Variants in ABCB10 observed in about 807,000 individuals in gnomAD.
ABCB10 encodes the protein ATP binding cassette subfamily B member 10.
In ABCB10, 54 loss-of-function variants were observed where a neutral mutation model predicts 65.4. That is an observed-to-expected ratio of 0.83 (90% confidence interval 0.66 to 1.04). The LOEUF is 1.04. ABCB10 is among the 50% of genes least tolerant of loss of function. ABCB10 has a pLI of 0.00. For missense variants in ABCB10, 846 were observed against 976.6 expected (o/e 0.87, Z 1.78); for synonymous variants, 418 against 406.5 (o/e 1.03, Z -0.34).
At position 229,558,426 on chromosome 1, in the gene ABCB10, C is replaced by A. The variant is rs1373246057; in HGVS notation, c.227G>T (p.Gly76Val). Reference sequence around the variant, plus strand: ...CAGGACGCCCCGCGAGGCGCCCGGACCCCCGCCCCGGCAGCCGCTCCTCCA... The same window carrying A: ...CAGGACGCCCCGCGAGGCGCCCGGAACCCCGCCCCGGCAGCCGCTCCTCCA... The part of the protein sequence containing the change: ...RRWRSGCRGG[G>V]PGASRGVLGL... Residue 76 changes from glycine to valine, a missense_variant, in exon 1 of 13, where the codon GGT becomes GTT. Gly to Val is a moderately radical substitution (Grantham distance 109). This residue lies in a region of ABCB10 where 214 missense variants were observed against 173.5 expected (regional missense o/e 1.23). Transcript: ENST00000344517. 4 of 1,206,234 alleles carry A rather than the reference C, an allele frequency of 3.3e-6. No individual in the cohort carries two copies. The highest frequency in any genetic ancestry group is 4.1e-6 in the Non-Finnish European group (4 of 974,564). 74.7% of individuals were successfully genotyped at this position (1,206,234 alleles called of 1,614,324 possible). A position where few individuals can be genotyped will look rare whatever the true frequency, so the allele number is the denominator to read the frequency against.
intron 8 of ABCB10, 97 bp downstream of exon 8, chr1:229,530,102 A>G: frequency 8.3e-7 from 1 of 1,203,734 alleles, no homozygotes; most frequent in South Asian, 1.3e-5. Flanking sequence ...ACTCTACAAA[A>G]TAAGGTATTT....
At chr1:229,526,316 T>C (rs2102685606) in intron 9 of ABCB10, among the ~76,000 whole-genome samples, 200 bp from the exon 10 acceptor site, 1 of 152,324 alleles carries the variant, frequency 6.6e-6, no homozygotes, top group South Asian at 2.1e-4. Context: ...AGGAACTTTG[T>C]AAATGTCAGT....
intron 4 of ABCB10, among the ~76,000 whole-genome samples, 199 bp downstream of exon 4, chr1:229,542,038 T>C (rs1414122741): frequency 6.6e-6 from 1 of 151,740 alleles, no homozygotes; most frequent in African/African-American, 2.4e-5. Flanking sequence ...TGAAGTTAGA[T>C]CTACTTTGAG....
At chr1:229,529,392 C>G (rs1464344175) in intron 8 of ABCB10, among the ~76,000 whole-genome samples, 20 of 143,412 alleles carry the variant, frequency 1.4e-4, no homozygotes, top group Admixed American at 7.2e-4. Flanking sequence ...AATCACTGGC[C>G]AGGCACGGTG....
chr1:229,540,118 C>G (rs972978244), intron 5 of ABCB10, among the ~76,000 whole-genome samples: 1 of 152,182 alleles, frequency 6.6e-6, no homozygotes. Context: ...TTACACATAT[C>G]TGGAATTTGC....
chr1:229,544,137 G>A (rs553630068), intron 3 of ABCB10, among the ~76,000 whole-genome samples: 2 of 152,346 alleles, frequency 1.3e-5, no homozygotes, highest in African/African-American at 4.8e-5. Flanking sequence ...AAATGGGCTA[G>A]GCATAGTGGC....
chr1:229,542,471 G>C, intron 3 of ABCB10, 100 bp from the exon 4 acceptor site: 1 of 1,350,242 alleles, frequency 7.4e-7, no homozygotes, highest in Non-Finnish European at 1.0e-6. Flanking sequence ...GTGTGTCTGT[G>C]TGTGTGTGTG....
rs752211152 is a variant in ABCB10, at chr1:229,549,328, G to A, written c.624C>T (p.Ser208=). The A allele has an allele frequency of 2.5e-6, 4 of 1,614,072 alleles. No individual in the cohort carries two copies. The highest frequency in any genetic ancestry group is 1.7e-5 in the Admixed American group (1 of 59,992). ...CTAGGCAGAGGCGGGTCAGGTTGTCGCTGTAGTCCACAGTGGGGTTGGTAT... is the reference window on the plus strand; with the variant it reads ...CTAGGCAGAGGCGGGTCAGGTTGTCACTGTAGTCCACAGTGGGGTTGGTAT... ...VIYTNPTVDY[S]DNLTRLCLGL... Residue 208 remains serine (S), a synonymous_variant, in exon 2 of 13, where the codon AGC becomes AGT. Transcript: ENST00000344517.
intron 7 of ABCB10, 117 bp from the exon 8 acceptor site, chr1:229,530,525 T>TA: frequency 9.4e-7 from 1 of 1,065,818 alleles, no homozygotes; most frequent in Non-Finnish European, 1.4e-6. Context: ...CTAATCCTGG[T>TA]ATATGAGCTC....
chr1:229,534,094 T>G (rs1031335359), intron 6 of ABCB10, among the ~76,000 whole-genome samples: 1 of 152,134 alleles, frequency 6.6e-6, no homozygotes, highest in African/African-American at 2.4e-5. Context: ...ACATGAAGAC[T>G]TACTTAAAAA....
intron 10 of ABCB10, among the ~76,000 whole-genome samples, chr1:229,523,862 C>T (rs1053102623): frequency 6.6e-6 from 1 of 152,122 alleles, no homozygotes; most frequent in Non-Finnish European, 1.5e-5. Context: ...TGGTTTTCTG[C>T]CCCGTTTCTC....
At chr1:229,525,630 G>C (rs1329900036) in intron 10 of ABCB10, among the ~76,000 whole-genome samples, 1 of 152,148 alleles carries the variant, frequency 6.6e-6, no homozygotes, top group Non-Finnish European at 1.5e-5. Context: ...CACGAGGTCA[G>C]GAGATCAAGA....
At chr1:229,549,136 A>T in intron 2 of ABCB10, 98 bp downstream of exon 2, 1 of 1,291,052 alleles carries the variant, frequency 7.7e-7, no homozygotes, top group East Asian at 2.3e-5. Context: ...GAGGAAGAGA[A>T]TGGAGCCTGG....
intron 6 of ABCB10, 156 bp from the exon 7 acceptor site, chr1:229,531,887 C>A: frequency 2.2e-6 from 1 of 463,132 alleles, no homozygotes; most frequent in Non-Finnish European, 3.8e-6. Flanking sequence ...GGAACTGATA[C>A]TCAGAATTGC....
chr1:229,558,503 C>A lies in ABCB10; in HGVS notation c.150G>T (p.Arg50=). The change falls in exon 1 of 13, where the codon CGG becomes CGT. Residue 50 remains arginine, a synonymous_variant. Coordinates refer to ENST00000344517, the MANE Select transcript of ABCB10 (RefSeq NM_012089.3). The part of the protein sequence containing the change: ...LSPFTGLRPA[R]LWGAGPALLW... Reference sequence around the variant, plus strand: ...GCAGCGCGGGCCCCGCGCCCCATAGCCGCGCCGGCCTCAGGCCAGTGAACG... The same window carrying A: ...GCAGCGCGGGCCCCGCGCCCCATAGACGCGCCGGCCTCAGGCCAGTGAACG... 1.5e-6 allele frequency: 2 copies of A among 1,372,500 alleles called. No homozygotes were observed. Among genetic ancestry groups the A allele is most frequent in the Admixed American group, 3.0e-5 (1 of 33,816 alleles). 85.0% of individuals were successfully genotyped at this position (1,372,500 alleles called of 1,614,324 possible).
At chr1:229,526,462 G>A (rs140982662) in intron 9 of ABCB10, among the ~76,000 whole-genome samples, 1 of 152,276 alleles carries the variant, frequency 6.6e-6, no homozygotes, top group Admixed American at 6.5e-5. Flanking sequence ...AAACCACATG[G>A]GAACAAACAA....
chr1:229,542,933 C>T (rs1329271152), intron 3 of ABCB10, among the ~76,000 whole-genome samples: 3 of 151,996 alleles, frequency 2.0e-5, no homozygotes, highest in African/African-American at 7.2e-5. Context: ...GAGTTCGAGA[C>T]CAGCCTGACC....
At chr1:229,543,492 A>C in intron 3 of ABCB10, among the ~76,000 whole-genome samples, 1 of 152,238 alleles carries the variant, frequency 6.6e-6, no homozygotes, top group East Asian at 1.9e-4. Flanking sequence ...CTGCAAACTG[A>C]AACATAAGTG....
chr1:229,558,156 G>A lies in ABCB10; in HGVS notation c.497C>T (p.Pro166Leu), dbSNP rs1558131703. Reference protein sequence around the residue: ...EARKLLGLAYPERRRLAAAVG... With the variant: ...EARKLLGLAYLERRRLAAAVG... ...CCTACCTGCCAGCCTCCGGCGCTCA[G>A]GGTACGCCAGCCCCAGGAGCTTCCG... The change falls in exon 1 of 13, where the codon CCT becomes CTT. Residue 166 changes from proline to leucine, a missense_variant. Physicochemically the swap from Pro to Leu is moderately conservative, Grantham distance 98. Transcript: ENST00000344517. 16 of 1,431,594 alleles carry A rather than the reference G, an allele frequency of 1.1e-5. No homozygotes were observed. The highest frequency in any genetic ancestry group is 1.5e-5 in the Non-Finnish European group (16 of 1,096,062). The allele number at this position is 1,431,594 out of a possible 1,614,324, so 88.7% of individuals were successfully genotyped here. A position where few individuals can be genotyped will look rare whatever the true frequency, so the allele number is the denominator to read the frequency against.
Sources: allele counts gnomAD v4.1 joint callset (sites outside exome capture counted in the v4.1 genomes callset), GRCh38; gene constraint gnomAD v4.1.1; regional missense constraint gnomAD v4.1.1; transcripts MANE v1.5; gene names NCBI Gene and HGNC (gene_info 2026-07-23, HGNC 2026-07-21).